PIP4K2A: variants seen among roughly 807,000 people sequenced by gnomAD.
The protein encoded by PIP4K2A is phosphatidylinositol 5-phosphate 4-kinase type-2 alpha.
A neutral mutation model predicts 42.9 loss-of-function variants in PIP4K2A; 14 were observed. That is an observed-to-expected ratio of 0.33 (90% CI 0.22 to 0.51). The LOEUF is 0.51. PIP4K2A is among the 20% of genes least tolerant of loss of function. The pLI, the probability that PIP4K2A is intolerant of heterozygous loss-of-function variation, is 0.97. For missense variants in PIP4K2A, 434 were observed against 519.8 expected (o/e 0.83, Z 1.61); for synonymous variants, 192 against 192.2 (o/e 1.00, Z 0.01).
chr10:22,697,021 A>G (rs990033777), intron 1 of PIP4K2A, among the ~76,000 whole-genome samples: 2 of 152,226 alleles, frequency 1.3e-5, no homozygotes, highest in African/African-American at 4.8e-5. Context: ...TAAAGTGGAA[A>G]TAACAGTTTA....
At chr10:22,706,314 C>T (rs1325410399) in intron 1 of PIP4K2A, among the ~76,000 whole-genome samples, 9 of 152,200 alleles carry the variant, frequency 5.9e-5, no homozygotes, top group Non-Finnish European at 1.3e-4. Flanking sequence ...TCCTGGTTAG[C>T]ACCTTGGCAG....
At chr10:22,585,068 A>G (rs1010198185) in intron 4 of PIP4K2A, among the ~76,000 whole-genome samples, 1 of 152,198 alleles carries the variant, frequency 6.6e-6, no homozygotes, top group Non-Finnish European at 1.5e-5. Context: ...AAGTCTAAGA[A>G]GCACTGACAC....
chr10:22,656,950 A>C (rs1003401438), intron 1 of PIP4K2A, among the ~76,000 whole-genome samples: 1 of 152,136 alleles, frequency 6.6e-6, no homozygotes, highest in Non-Finnish European at 1.5e-5. Context: ...TTCAAAACTG[A>C]CTTTCAAAAT....
At position 22,604,002 on chromosome 10, in the gene PIP4K2A, C is replaced by T. The variant is rs963319759; in HGVS notation, c.339+3925G>A. On this transcript the variant is annotated intron_variant, in intron 3 of 9. Coordinates refer to ENST00000376573, the MANE Select transcript of PIP4K2A (RefSeq NM_005028.5). ...TTACACACATGCGCGAGCACACACG[C>T]GCGCACGCACACACACACACACACA... 2.4e-4 allele frequency among the ~76,000 whole-genome samples: 23 copies of T among 97,790 alleles called. No individual in the cohort carries two copies. In the East Asian group the frequency reaches 2.4e-3, roughly 10 times the overall value. The allele number at this position is 97,790 out of a possible 152,430, so 64.2% of individuals were successfully genotyped here. A position where few individuals can be genotyped will look rare whatever the true frequency, so the allele number is the denominator to read the frequency against.
At chr10:22,659,385 G>A (rs924973891) in intron 1 of PIP4K2A, among the ~76,000 whole-genome samples, 4 of 152,278 alleles carry the variant, frequency 2.6e-5, no homozygotes, top group South Asian at 4.1e-4. Flanking sequence ...ACCTGAGCAG[G>A]AGTTTGAGAC....
intron 6 of PIP4K2A, among the ~76,000 whole-genome samples, chr10:22,562,231 A>G (rs1836726282): frequency 1.1e-5 from 1 of 87,874 alleles, no homozygotes; most frequent in Non-Finnish European, 2.3e-5. Flanking sequence ...TAAAAGTTAA[A>G]AAAACAAACA....
chr10:22,560,841 C>T (rs941142363), intron 6 of PIP4K2A, among the ~76,000 whole-genome samples: 1 of 152,150 alleles, frequency 6.6e-6, no homozygotes, highest in African/African-American at 2.4e-5. Flanking sequence ...ATCCCCAGGA[C>T]TCTCTCTCTC....
At chr10:22,542,626 C>T (rs1423457927) in intron 7 of PIP4K2A, among the ~76,000 whole-genome samples, 3 of 152,246 alleles carry the variant, frequency 2.0e-5, no homozygotes, top group South Asian at 2.1e-4. Flanking sequence ...AAGCACCACA[C>T]ATCCAGGATT....
intron 4 of PIP4K2A, among the ~76,000 whole-genome samples, chr10:22,579,258 T>C (rs1837200099): frequency 6.6e-6 from 1 of 152,210 alleles, no homozygotes; most frequent in Admixed American, 6.5e-5. Flanking sequence ...CCACGCAATG[T>C]ATCCTCATTC....
chr10:22,681,537 T>A (rs1157806428), intron 1 of PIP4K2A, among the ~76,000 whole-genome samples: 1 of 152,090 alleles, frequency 6.6e-6, no homozygotes, highest in Non-Finnish European at 1.5e-5. Flanking sequence ...TAGCCAGGTG[T>A]GGTGGCATGC....
intron 1 of PIP4K2A, among the ~76,000 whole-genome samples, chr10:22,612,976 G>A (rs762688946): frequency 4.8e-4 from 73 of 152,256 alleles, no homozygotes; most frequent in South Asian, 1.2e-3. Context: ...GGAGGAAGGC[G>A]GAGAAGCAGT....
Position 22,687,789 on chromosome 10 carries a change from T to G in PIP4K2A, c.144+26394A>C, listed in dbSNP as rs1011462189. Reference sequence around the variant, plus strand: ...GCTATGTGAATAGTTATATTGCATTTTTAAAAAATCTGTATTATTCTCATT... The same window carrying G: ...GCTATGTGAATAGTTATATTGCATTGTTAAAAAATCTGTATTATTCTCATT... On this transcript the variant is annotated intron_variant, in intron 1 of 9. Transcript: ENST00000376573. 2.0e-5 allele frequency among the ~76,000 whole-genome samples: 3 copies of G among 152,342 alleles called. No individual in the cohort carries two copies. In the South Asian group the frequency reaches 6.2e-4, roughly 32 times the overall value.
intron 3 of PIP4K2A, among the ~76,000 whole-genome samples, chr10:22,606,148 A>T (rs919715502): frequency 2.0e-5 from 3 of 149,536 alleles, no homozygotes; most frequent in Non-Finnish European, 4.5e-5. Context: ...TCTCTACCAA[A>T]AAAAAAAAAA....
intron 1 of PIP4K2A, among the ~76,000 whole-genome samples, chr10:22,633,881 C>A (rs1443456021): frequency 6.6e-6 from 1 of 152,154 alleles, no homozygotes; most frequent in Admixed American, 6.5e-5. Context: ...CTTCTCAAGG[C>A]ATCTCAGATG....
At chr10:22,710,666 C>T (rs1833897975) in intron 1 of PIP4K2A, among the ~76,000 whole-genome samples, 1 of 152,178 alleles carries the variant, frequency 6.6e-6, no homozygotes, top group Non-Finnish European at 1.5e-5. Flanking sequence ...ACCAGCCTTT[C>T]CTTCTACTGT....
chr10:22,714,053 G>A, intron 1 of PIP4K2A, 130 bp downstream of exon 1: 2 of 962,636 alleles, frequency 2.1e-6, no homozygotes, highest in Non-Finnish European at 3.0e-6. Context: ...GCTTCGAGGC[G>A]GGCGAGCAGC....
chr10:22,647,651 A>C (rs1316250788), intron 1 of PIP4K2A, among the ~76,000 whole-genome samples: 1 of 152,220 alleles, frequency 6.6e-6, no homozygotes, highest in Non-Finnish European at 1.5e-5. Flanking sequence ...CTCTCCTCCC[A>C]ATCAGCTATC....
intron 1 of PIP4K2A, among the ~76,000 whole-genome samples, chr10:22,656,729 G>A (rs958639902): frequency 6.6e-6 from 1 of 151,486 alleles, no homozygotes; most frequent in Non-Finnish European, 1.5e-5. Flanking sequence ...CCTGGGAGGC[G>A]GAGGTTGCAG....
At chr10:22,651,924 G>A (rs1032355292) in intron 1 of PIP4K2A, among the ~76,000 whole-genome samples, 1 of 152,154 alleles carries the variant, frequency 6.6e-6, no homozygotes, top group Admixed American at 6.5e-5. Flanking sequence ...CCACCTGCTA[G>A]CACTATCCAG....
Sources: gnomAD v4.1 joint callset for allele counts (sites outside exome capture counted in the v4.1 genomes callset) on GRCh38, gnomAD v4.1.1 for gene constraint, MANE v1.5 for transcripts, NCBI Gene and HGNC (gene_info 2026-07-23, HGNC 2026-07-21) for gene names.